ESRP1: variants seen among roughly 807,000 people sequenced by gnomAD.
ESRP1 encodes the protein RNA-binding motif protein 35A.
ESRP1 carries 33 observed loss-of-function variants against 81.7 expected under a neutral mutation model. That is an observed-to-expected ratio of 0.40 (90% CI 0.31 to 0.54). ESRP1 has a LOEUF of 0.54. Among genes scored for constraint, ESRP1 ranks in the 20% least tolerant of loss-of-function variants. ESRP1 has a pLI of 0.41. For synonymous variants in ESRP1, 320 were observed against 303.3 expected (o/e 1.06, Z -0.57); for missense variants, 672 against 833.1 (o/e 0.81, Z 2.38).
chr8:94,659,857 G>A (rs768953525), intron 4 of ESRP1, among the ~76,000 whole-genome samples: 1 of 152,194 alleles, frequency 6.6e-6, no homozygotes, highest in Non-Finnish European at 1.5e-5. Flanking sequence ...AGTGTGAGTG[G>A]TTTGGATAGA....
intron 15 of ESRP1, among the ~76,000 whole-genome samples, chr8:94,698,923 T>C (rs1471169581): frequency 2.0e-5 from 3 of 152,200 alleles, no homozygotes; most frequent in Non-Finnish European, 4.4e-5. Flanking sequence ...CAGTATATCT[T>C]GGTCCTACCA....
At chr8:94,672,441 A>G (rs373679466) in intron 11 of ESRP1, among the ~76,000 whole-genome samples, 4 of 152,236 alleles carry the variant, frequency 2.6e-5, no homozygotes, top group East Asian at 3.9e-4. Context: ...AGAAAATTAT[A>G]TTTGCTGGAA....
At chr8:94,697,476 C>T (rs1312730049) in intron 15 of ESRP1, among the ~76,000 whole-genome samples, 1 of 152,226 alleles carries the variant, frequency 6.6e-6, no homozygotes, top group East Asian at 1.9e-4. Flanking sequence ...TGGAATCATA[C>T]ATGTGACCTT....
chr8:94,687,991 G>A (rs911649076), intron 13 of ESRP1, among the ~76,000 whole-genome samples: 1 of 151,990 alleles, frequency 6.6e-6, no homozygotes, highest in Non-Finnish European at 1.5e-5. Context: ...ACTATGTTTT[G>A]TAAGTGTTTT....
intron 4 of ESRP1, among the ~76,000 whole-genome samples, chr8:94,652,662 A>G (rs1164782257): frequency 6.6e-6 from 1 of 152,128 alleles, no homozygotes; most frequent in Non-Finnish European, 1.5e-5. Flanking sequence ...GCTGTTTGTC[A>G]GGAACTTACT....
At chr8:94,705,156 C>CTTTTTTTTTTTTTTTTTTTTTT (rs57801249) in intron 15 of ESRP1, among the ~76,000 whole-genome samples, 2 of 90,560 alleles carry the variant, frequency 2.2e-5, no homozygotes, top group African/African-American at 8.8e-5. Context: ...TGCCTTATTG[C>CTTTTTTTTTTTTTTTTTTTTTT]TTTTTTTTTT....
chr8:94,675,364 G>A (rs536039472), intron 12 of ESRP1, among the ~76,000 whole-genome samples: 10 of 152,280 alleles, frequency 6.6e-5, no homozygotes, highest in South Asian at 2.1e-4. Context: ...CCAATAAAGC[G>A]GGGGATTTGG....
chr8:94,679,225 T>G (rs1287612126), intron 13 of ESRP1, among the ~76,000 whole-genome samples: 3 of 152,226 alleles, frequency 2.0e-5, no homozygotes, highest in African/African-American at 7.2e-5. Context: ...TTTAAAACAT[T>G]AATGCTATTG....
intron 5 of ESRP1, 65 bp from the exon 6 acceptor site, chr8:94,662,436 A>G: frequency 1.3e-6 from 2 of 1,550,528 alleles, no homozygotes; most frequent in South Asian, 1.2e-5. Flanking sequence ...CCTATACTCA[A>G]ATTTCCTCCT....
chr8:94,653,213 C>G (rs192098268), intron 4 of ESRP1, among the ~76,000 whole-genome samples: 4 of 151,974 alleles, frequency 2.6e-5, no homozygotes, highest in Admixed American at 2.6e-4. Context: ...TTCATCACTT[C>G]TTGGGGGGTG....
chr8:94,641,713 C>A (rs1207293887), intron 1 of ESRP1: 2 of 742,532 alleles, frequency 2.7e-6, no homozygotes, highest in Admixed American at 6.5e-5. Context: ...GGGGACGCTC[C>A]GCCGAGACGA....
Position 94,696,900 on chromosome 8 carries a change from C to T in ESRP1, c.2020C>T (p.Leu674=). The change falls in exon 15 of 16, where the codon CTA becomes TTA. Residue 674 remains leucine (L), a synonymous_variant. Transcript: ENST00000433389. ...ACACACAAATGACCAGGCCAGGACT[C>T]TACCCAAAGAATGGGTTTGTATTTA... ...LIHTNDQART[L]PKEWVCI 1 of 1,594,582 alleles carries T rather than the reference C, an allele frequency of 6.3e-7. No homozygotes were observed. The highest frequency in any genetic ancestry group is 8.5e-7 in the Non-Finnish European group (1 of 1,169,754).
intron 13 of ESRP1, among the ~76,000 whole-genome samples, chr8:94,682,874 ATATATT>A (rs1469936911): frequency 7.4e-6 from 1 of 135,008 alleles, no homozygotes; most frequent in African/African-American, 2.9e-5. Flanking sequence ...ATATACATAT[ATATATT>A]CATTATTCAA....
intron 13 of ESRP1, among the ~76,000 whole-genome samples, chr8:94,680,845 C>A (rs1183608998): frequency 6.6e-6 from 1 of 152,104 alleles, no homozygotes; most frequent in African/African-American, 2.4e-5. Flanking sequence ...AAATCTGAAA[C>A]AGCATATTCT....
intron 4 of ESRP1, among the ~76,000 whole-genome samples, chr8:94,659,033 A>G (rs1316470616): frequency 6.6e-6 from 1 of 151,962 alleles, no homozygotes; most frequent in African/African-American, 2.4e-5. Context: ...CAGCCTCCTG[A>G]GTAGATGCAA....
intron 13 of ESRP1, among the ~76,000 whole-genome samples, chr8:94,687,113 C>G (rs541819960): frequency 6.6e-6 from 1 of 152,168 alleles, no homozygotes; most frequent in Non-Finnish European, 1.5e-5. Context: ...CAAAAAGAAA[C>G]CTTATGCCCA....
intron 1 of ESRP1, 99 bp downstream of exon 1, chr8:94,641,549 T>C: frequency 6.6e-7 from 1 of 1,512,680 alleles, no homozygotes. Context: ...AAATAAGTGC[T>C]CTTGTTTGCC....
chr8:94,692,891 A>T, intron 14 of ESRP1, 64 bp downstream of exon 14: 2 of 1,522,916 alleles, frequency 1.3e-6, no homozygotes, highest in Non-Finnish European at 8.9e-7. Context: ...TGCCTAAAGA[A>T]TGCAGCCAGG....
intron 15 of ESRP1, among the ~76,000 whole-genome samples, chr8:94,700,731 C>T (rs1018877306): frequency 1.3e-5 from 2 of 151,292 alleles, no homozygotes; most frequent in Middle Eastern, 6.9e-3. Context: ...AGATCGAGAC[C>T]GTCCTGGCTA....
Sources: gnomAD v4.1 joint callset for allele counts (sites outside exome capture counted in the v4.1 genomes callset) on GRCh38, gnomAD v4.1.1 for gene constraint, MANE v1.5 for transcripts, NCBI Gene and HGNC (gene_info 2026-07-23, HGNC 2026-07-21) for gene names.